Variants in MROH9 observed in about 807,000 individuals in gnomAD.
The protein encoded by MROH9 is maestro heat-like repeat-containing protein family member 9.
In MROH9, 92 loss-of-function variants were observed where a neutral mutation model predicts 98.2. The observed-to-expected ratio is 0.94, with a 90% CI of 0.79 to 1.11. The LOEUF (loss-of-function observed/expected upper bound fraction) is 1.11. MROH9 is among the 50% of genes most tolerant of loss of function. The probability of loss-of-function intolerance (pLI) is 0.00; values close to 1 mark genes in which losing one functional copy is unlikely to be tolerated. For synonymous variants in MROH9, 397 were observed against 368.9 expected (o/e 1.08, Z -0.87); for missense variants, 1,057 against 1,014.8 (o/e 1.04, Z -0.57).
chr1:171,030,592 G>A (rs187825502), intron 20 of MROH9, among the ~76,000 whole-genome samples: 10 of 152,254 alleles, frequency 6.6e-5, no homozygotes, highest in Admixed American at 2.0e-4. Context: ...GAAATTGTGT[G>A]TTTTTGAGTG....
intron 16 of MROH9, among the ~76,000 whole-genome samples, chr1:171,015,795 A>G (rs1032785241): frequency 2.6e-5 from 4 of 152,236 alleles, no homozygotes; most frequent in African/African-American, 9.6e-5. Context: ...TCAAAGGGAC[A>G]TCACTAACCA....
intron 20 of MROH9, among the ~76,000 whole-genome samples, chr1:171,044,827 A>C (rs1194662285): frequency 6.7e-6 from 1 of 150,288 alleles, no homozygotes; most frequent in African/African-American, 2.4e-5. Flanking sequence ...TTCATTTTTT[A>C]TTTTATTTGG....
chr1:170,956,689 T>C (rs1419426285), intron 3 of MROH9, among the ~76,000 whole-genome samples: 1 of 149,202 alleles, frequency 6.7e-6, no homozygotes, highest in Non-Finnish European at 1.5e-5. Context: ...AGCTACTGAT[T>C]TGTGTACATT....
chr1:171,039,553 A>G (rs865811968), intron 20 of MROH9, among the ~76,000 whole-genome samples: 4 of 152,202 alleles, frequency 2.6e-5, no homozygotes, highest in African/African-American at 7.2e-5. Context: ...AACTTCTGCT[A>G]AATTATCATT....
chr1:171,031,848 C>T (rs138815896), intron 20 of MROH9, among the ~76,000 whole-genome samples: 1 of 152,196 alleles, frequency 6.6e-6, no homozygotes, highest in Non-Finnish European at 1.5e-5. Context: ...GGAAAGTCCT[C>T]CCGGATAATA....
chr1:171,034,757 G>GA (rs146209403), intron 20 of MROH9, among the ~76,000 whole-genome samples: 9 of 151,522 alleles, frequency 5.9e-5, no homozygotes, highest in Non-Finnish European at 1.2e-4. Flanking sequence ...ACTCCTGAAG[G>GA]AAAAAAAATT....
At chr1:171,029,932 T>A (rs1191388062) in intron 20 of MROH9, among the ~76,000 whole-genome samples, 1 of 152,212 alleles carries the variant, frequency 6.6e-6, no homozygotes, top group Non-Finnish European at 1.5e-5. Flanking sequence ...TCCTGGGCTT[T>A]TTTTGGTTGG....
At chr1:171,039,452 T>C (rs1653225832) in intron 20 of MROH9, among the ~76,000 whole-genome samples, 1 of 152,168 alleles carries the variant, frequency 6.6e-6, no homozygotes, top group Non-Finnish European at 1.5e-5. Flanking sequence ...AAATGTTTGC[T>C]CCAGCTCCTG....
At chr1:171,041,107 G>A (rs1044742581) in intron 20 of MROH9, among the ~76,000 whole-genome samples, 4 of 151,638 alleles carry the variant, frequency 2.6e-5, no homozygotes, top group Admixed American at 6.6e-5. Context: ...TACTCAATAG[G>A]TATTATTTTA....
intron 7 of MROH9, among the ~76,000 whole-genome samples, chr1:170,968,718 A>G (rs9426920): frequency 0.08 from 12,140 of 152,196 alleles, 621 homozygotes; most frequent in Non-Finnish European, 0.11. Context: ...ACTGCAGTCC[A>G]GCCTGGGTGA....
At chr1:171,020,515 CAT>C (rs1376705434) in intron 17 of MROH9, among the ~76,000 whole-genome samples, 1 of 152,208 alleles carries the variant, frequency 6.6e-6, no homozygotes, top group Non-Finnish European at 1.5e-5. Flanking sequence ...ACAAAAACCA[CAT>C]GATTATCTCA....
intron 7 of MROH9, among the ~76,000 whole-genome samples, chr1:170,966,656 G>A (rs1474620329): frequency 6.6e-6 from 1 of 151,988 alleles, no homozygotes; most frequent in African/African-American, 2.4e-5. Flanking sequence ...TACTTAGATG[G>A]GGGACACAGT....
intron 8 of MROH9, among the ~76,000 whole-genome samples, chr1:170,972,835 C>CACACAA (rs1650519915): frequency 7.0e-6 from 1 of 142,446 alleles, no homozygotes. Flanking sequence ...AAAATACACA[C>CACACAA]ACACACACAC....
chr1:171,008,033 A>G (rs1652021779), intron 15 of MROH9, among the ~76,000 whole-genome samples: 1 of 152,190 alleles, frequency 6.6e-6, no homozygotes, highest in Admixed American at 6.6e-5. Flanking sequence ...TTGTTTGGGG[A>G]TGACTGCAAA....
At chr1:170,942,989 G>A (rs1649183826) in intron 1 of MROH9, among the ~76,000 whole-genome samples, 1 of 152,070 alleles carries the variant, frequency 6.6e-6, no homozygotes, top group African/African-American at 2.4e-5. Flanking sequence ...ATACTATGCT[G>A]GATCAAGAGG....
At chr1:171,025,496 T>C (rs1173746184) in intron 20 of MROH9, 76 bp downstream of exon 20, 2 of 991,154 alleles carry the variant, frequency 2.0e-6, no homozygotes. Flanking sequence ...AAGTCTTTCT[T>C]ACATTTTTTT....
intron 1 of MROH9, among the ~76,000 whole-genome samples, chr1:170,941,225 C>T (rs1649108280): frequency 6.6e-6 from 1 of 152,084 alleles, no homozygotes; most frequent in Non-Finnish European, 1.5e-5. Flanking sequence ...GGCACACTTA[C>T]CCTGGAAAAG....
chr1:170,998,496 G>T (rs1651669757), intron 15 of MROH9: 6 of 1,478,980 alleles, frequency 4.1e-6, no homozygotes, highest in Non-Finnish European at 5.3e-6. Flanking sequence ...GTTTTTCTCT[G>T]TTTCTAGGGG....
At chr1:171,026,387 G>T (rs1652715692) in intron 20 of MROH9, among the ~76,000 whole-genome samples, 1 of 151,748 alleles carries the variant, frequency 6.6e-6, no homozygotes, top group South Asian at 2.1e-4. Flanking sequence ...CGACTCTCCT[G>T]CTTCAGCCTC....
Sources: allele counts gnomAD v4.1 joint callset (sites outside exome capture counted in the v4.1 genomes callset), GRCh38; gene constraint gnomAD v4.1.1; transcripts MANE v1.5; gene names NCBI Gene and HGNC (gene_info 2026-07-23, HGNC 2026-07-21).